MDGA2: variants seen among roughly 807,000 people sequenced by gnomAD.
The protein encoded by MDGA2 is MAM domain containing glycosylphosphatidylinositol anchor 2.
In MDGA2, 40 loss-of-function variants were observed where a neutral mutation model predicts 117.8. That is an observed-to-expected ratio of 0.34 (90% confidence interval 0.26 to 0.44). The LOEUF is 0.44. Among genes scored for constraint, MDGA2 ranks in the 20% least tolerant of loss-of-function variants. The pLI, the probability that MDGA2 is intolerant of heterozygous loss-of-function variation, is 1.00. For missense variants in MDGA2, 1,123 were observed against 1,250.6 expected (o/e 0.90, Z 1.54); for synonymous variants, 452 against 439.0 (o/e 1.03, Z -0.37).
At chr14:47,282,581 C>G (rs963611052) in intron 2 of MDGA2, among the ~76,000 whole-genome samples, 1 of 151,878 alleles carries the variant, frequency 6.6e-6, no homozygotes, top group African/African-American at 2.4e-5. Flanking sequence ...GCCGGTAGTC[C>G]CAGCTATTCG....
chr14:47,173,053 T>C (rs543895088), intron 3 of MDGA2, among the ~76,000 whole-genome samples: 124 of 151,968 alleles, frequency 8.2e-4, no homozygotes, highest in Admixed American at 2.9e-3. Flanking sequence ...GTATCAGTGA[T>C]GGAAGATGAA....
chr14:46,846,333 C>G (rs925092558), intron 15 of MDGA2, among the ~76,000 whole-genome samples: 3 of 152,066 alleles, frequency 2.0e-5, no homozygotes, highest in African/African-American at 4.8e-5. Flanking sequence ...AAGCCCGGAA[C>G]AAAGTGTTTC....
At chr14:46,906,446 A>T (rs576876818) in intron 10 of MDGA2, among the ~76,000 whole-genome samples, 1 of 152,242 alleles carries the variant, frequency 6.6e-6, no homozygotes, top group South Asian at 2.1e-4. Context: ...ATAAACCTGG[A>T]TATTGATAGA....
intron 1 of MDGA2, among the ~76,000 whole-genome samples, chr14:47,632,326 T>A (rs1897257844): frequency 6.6e-6 from 1 of 152,192 alleles, no homozygotes; most frequent in Non-Finnish European, 1.5e-5. Context: ...ATCCAATCAT[T>A]GAGTCCAAAC....
At chr14:46,910,544 G>A (rs1883658781) in intron 10 of MDGA2, among the ~76,000 whole-genome samples, 2 of 152,144 alleles carry the variant, frequency 1.3e-5, no homozygotes, top group Non-Finnish European at 2.9e-5. Context: ...ATGGGCAAAA[G>A]CTGGATGCAT....
At chr14:47,282,015 T>C (rs942983189) in intron 2 of MDGA2, among the ~76,000 whole-genome samples, 7 of 142,048 alleles carry the variant, frequency 4.9e-5, no homozygotes, top group African/African-American at 1.1e-4. Context: ...ATCGCACCAC[T>C]GAACTCCAGC....
intron 2 of MDGA2, among the ~76,000 whole-genome samples, chr14:47,289,304 TAC>T (rs3039467): frequency 0.019 from 2,612 of 140,606 alleles, 39 homozygotes; most frequent in Middle Eastern, 0.024. Context: ...TTTCTGGACT[TAC>T]ACACACACAC....
chr14:47,361,051 T>A (rs960707160), intron 1 of MDGA2, among the ~76,000 whole-genome samples: 1 of 151,958 alleles, frequency 6.6e-6, no homozygotes, highest in Middle Eastern at 3.2e-3. Context: ...ATAATAAAAA[T>A]TTGCTAGGAG....
rs776016249 is a variant in MDGA2 at position 47,035,227 on chromosome 14, G to A, written c.1603C>T (p.Gln535Ter). The A allele has an allele frequency of 1.2e-6, 2 of 1,613,970 alleles. No homozygotes were observed. The highest frequency in any genetic ancestry group is 1.7e-6 in the Non-Finnish European group (2 of 1,180,014). ...REGDTIELQC[Q>*]VTGKPKPIIL... ...ATTGGTTTAGGTTTGCCAGTTACTT[G>A]ACATTGCAGTTCTATTGTGTCTCCT... is the stretch of plus-strand genomic sequence containing the variant. The change falls in exon 8 of 17, where the codon CAA becomes TAA. Residue 535 changes from glutamine to a stop codon, truncating the protein, a stop_gained. Coordinates refer to ENST00000399232, the MANE Select transcript of MDGA2 (RefSeq NM_001113498.3). LOFTEE classifies it high-confidence loss of function.
rs77536750 is a variant in MDGA2 at position 47,216,978 on chromosome 14, C to G, written c.595+1043G>C. Among the ~76,000 whole-genome samples, 108 of 152,080 alleles carry G rather than the reference C, an allele frequency of 7.1e-4. 1 individual carries two copies. The East Asian group carries it at 0.019, about 27-fold the overall frequency. On this transcript the variant is annotated intron_variant, in intron 3 of 16. Coordinates refer to ENST00000399232, the MANE Select transcript of MDGA2 (RefSeq NM_001113498.3). ...GAGGATGAAACAAGGATTTCTCCCC[C>G]ATCCTTTCCAGAAGGAAAGCAGGTA...
At chr14:47,208,534 T>TC (rs1885769403) in intron 3 of MDGA2, among the ~76,000 whole-genome samples, 1 of 151,002 alleles carries the variant, frequency 6.6e-6, no homozygotes, top group South Asian at 2.1e-4. Context: ...TAAACTCTTT[T>TC]TTTTTTTTTT....
intron 5 of MDGA2, among the ~76,000 whole-genome samples, chr14:47,128,387 T>C (rs1325625143): frequency 6.6e-6 from 1 of 152,104 alleles, no homozygotes; most frequent in Admixed American, 6.5e-5. Flanking sequence ...GTTTTTTTCT[T>C]CCTCATTCCA....
At chr14:47,056,483 T>C (rs548238642) in intron 7 of MDGA2, among the ~76,000 whole-genome samples, 4 of 152,116 alleles carry the variant, frequency 2.6e-5, no homozygotes, top group Non-Finnish European at 4.4e-5. Flanking sequence ...AAAATGTCCA[T>C]GTACTCTAAC....
intron 14 of MDGA2, among the ~76,000 whole-genome samples, chr14:46,872,244 A>G (rs1487477115): frequency 6.6e-6 from 1 of 151,944 alleles, no homozygotes; most frequent in African/African-American, 2.4e-5. Context: ...TATGTGTCCA[A>G]TTGTATTAGT....
chr14:47,131,779 G>A lies in MDGA2; in HGVS notation c.860C>T (p.Ala287Val), dbSNP rs1882217050. The A allele has an allele frequency of 1.3e-6, 2 of 1,593,160 alleles. No individual in the cohort carries two copies. The highest frequency in any genetic ancestry group is 1.7e-5 in the Admixed American group (1 of 59,820). The change falls in exon 5 of 17, where the codon GCT becomes GTT. Residue 287 changes from alanine to valine, a missense_variant. Physicochemically the swap from Ala to Val is moderately conservative, Grantham distance 64 (BLOSUM62 0). This residue lies in a region of MDGA2 where 890 missense variants were observed against 1,050.3 expected (regional missense o/e 0.85). Transcript: ENST00000399232. The part of the protein sequence containing the change: ...PQDYANYSCI[A>V]SVRNVCNIPD... Reference sequence around the variant, plus strand: ...AATATTACATACATTCCTCACTGAAGCAATGCAGCTATAATTAGCATAGTC... The same window carrying A: ...AATATTACATACATTCCTCACTGAAACAATGCAGCTATAATTAGCATAGTC...
chr14:47,061,691 C>T (rs1889889728), intron 6 of MDGA2, 113 bp from the exon 7 acceptor site: 1 of 858,068 alleles, frequency 1.2e-6, no homozygotes, highest in South Asian at 2.1e-5. Flanking sequence ...ATAAAGTGTA[C>T]ATATATTTCT....
intron 4 of MDGA2, among the ~76,000 whole-genome samples, 156 bp from the exon 5 acceptor site, chr14:47,132,002 G>A (rs1594654341): frequency 6.6e-6 from 1 of 151,740 alleles, no homozygotes; most frequent in South Asian, 2.1e-4. Flanking sequence ...TTTCAAATAA[G>A]TTATAAATGA....
intron 4 of MDGA2, among the ~76,000 whole-genome samples, chr14:47,141,379 T>C (rs1251922556): frequency 2.0e-5 from 3 of 152,048 alleles, no homozygotes; most frequent in Non-Finnish European, 4.4e-5. Flanking sequence ...ATAGACAAAA[T>C]ATGGAATAAA....
intron 8 of MDGA2, among the ~76,000 whole-genome samples, chr14:46,984,841 T>C (rs898884485): frequency 4.6e-5 from 7 of 152,074 alleles, no homozygotes; most frequent in African/African-American, 1.4e-4. Context: ...TAACACCTAG[T>C]TTTGCTAACA....
Sources: allele counts gnomAD v4.1 joint callset (sites outside exome capture counted in the v4.1 genomes callset), GRCh38; gene constraint gnomAD v4.1.1; regional missense constraint gnomAD v4.1.1; transcripts MANE v1.5; gene names NCBI Gene and HGNC (gene_info 2026-07-23, HGNC 2026-07-21).